HFM1: variants seen among roughly 807,000 people sequenced by gnomAD.
HFM1 encodes the protein helicase for meiosis 1, also known as probable ATP-dependent DNA helicase HFM1.
HFM1 carries 169 observed loss-of-function variants against 192.1 expected under a neutral mutation model. The observed-to-expected ratio is 0.88, with a 90% CI of 0.78 to 1.00. HFM1 has a LOEUF of 1.00. Among genes scored for constraint, HFM1 ranks in the 50% least tolerant of loss-of-function variants. The probability of loss-of-function intolerance (pLI) is 0.00; values close to 1 mark genes in which losing one functional copy is unlikely to be tolerated. For missense variants in HFM1, 1,661 were observed against 1,668.0 expected, an observed-to-expected ratio of 1.00 and a Z score of 0.07; for synonymous variants, 525 against 537.8, an observed-to-expected ratio of 0.98 and a Z score of 0.33.
chr1:91,297,086 C>T (rs1180834322), intron 30 of HFM1, among the ~76,000 whole-genome samples: 2 of 152,168 alleles, frequency 1.3e-5, no homozygotes, highest in African/African-American at 4.8e-5. Flanking sequence ...TCGGGTCACT[C>T]CCACCCTAAT....
intron 13 of HFM1, among the ~76,000 whole-genome samples, chr1:91,361,698 T>C (rs1212668337): frequency 6.6e-6 from 1 of 152,148 alleles, no homozygotes; most frequent in African/African-American, 2.4e-5. Flanking sequence ...CCCTAACCCA[T>C]TTATGAGGCC....
chr1:91,274,692 T>C, intron 33 of HFM1, 38 bp downstream of exon 33: 1 of 1,047,396 alleles, frequency 9.5e-7, no homozygotes, highest in East Asian at 2.4e-5. Context: ...GAGTTTACGA[T>C]AAATATTTTA....
In HFM1 at chr1:91,385,470, G is replaced by C. The variant is rs1444991793; in HGVS notation, c.754+105C>G. 4.1e-6 allele frequency: 4 copies of C among 968,414 alleles called. No homozygotes were observed. The East Asian group carries it at 7.6e-5, about 18-fold the overall frequency. 60.0% of individuals were successfully genotyped at this position (968,414 alleles called of 1,614,324 possible). ...AATAAAAAAATGCAGAAATTGCACAGAGAGATAATTTACTCAAATTTACTA... is the reference window on the plus strand; with the variant it reads ...AATAAAAAAATGCAGAAATTGCACACAGAGATAATTTACTCAAATTTACTA... On this transcript the variant is annotated intron_variant, in intron 5 of 38. Coordinates refer to ENST00000370425, the MANE Select transcript of HFM1 (RefSeq NM_001017975.6).
rs1210239683 is a variant in HFM1, at chr1:91,350,861, G to A, written c.2083C>T (p.His695Tyr). 6.3e-6 allele frequency: 10 copies of A among 1,581,956 alleles called. No individual in the cohort carries two copies. The highest frequency in any genetic ancestry group is 8.6e-6 in the Non-Finnish European group (10 of 1,158,632). The change falls in exon 18 of 39, where the codon CAT (histidine) becomes TAT (tyrosine). Residue 695 changes from histidine (H) to tyrosine (Y), a missense_variant. Coordinates refer to ENST00000370425, the MANE Select transcript of HFM1 (RefSeq NM_001017975.6). Reference protein sequence around the residue: ...RDTVESSLHRHLIEHLNAEIV... With the variant: ...RDTVESSLHRYLIEHLNAEIV... ...TCTGCATTTAAATGTTCAATAAGATGTCTGTGCAAACTAATGAAAAAAAAC... is the reference window on the plus strand; with the variant it reads ...TCTGCATTTAAATGTTCAATAAGATATCTGTGCAAACTAATGAAAAAAAAC...
chr1:91,272,748 C>T (rs1018710525), intron 34 of HFM1, among the ~76,000 whole-genome samples: 1 of 151,924 alleles, frequency 6.6e-6, no homozygotes, highest in African/African-American at 2.4e-5. Context: ...TTTTCTTGAT[C>T]TCATTATTGG....
intron 13 of HFM1, among the ~76,000 whole-genome samples, chr1:91,370,542 C>G (rs556708371): frequency 6.6e-6 from 1 of 151,998 alleles, no homozygotes. Flanking sequence ...ATTCAACAAC[C>G]CTTCATGCTA....
chr1:91,364,108 T>C (rs1345666144), intron 13 of HFM1, among the ~76,000 whole-genome samples: 1 of 152,000 alleles, frequency 6.6e-6, no homozygotes, highest in Non-Finnish European at 1.5e-5. Flanking sequence ...CGATGATTTG[T>C]ACAGCAATCC....
Position 91,277,065 on chromosome 1 carries a change from A to G in HFM1, c.3392-3T>C. On this transcript the variant is annotated splice_polypyrimidine_tract_variant and splice_region_variant and intron_variant, in intron 30 of 38. Transcript: ENST00000370425. Reference sequence around the variant, plus strand: ...AGGTTTTTTGCTGGCAGTCGTTCCTAAATTAATATAAGAAAAACAAATCCA... The same window carrying G: ...AGGTTTTTTGCTGGCAGTCGTTCCTGAATTAATATAAGAAAAACAAATCCA... The G allele has an allele frequency of 6.5e-7, 1 of 1,545,820 alleles. No individual in the cohort carries two copies. The highest frequency in any genetic ancestry group is 8.8e-7 in the Non-Finnish European group (1 of 1,130,302).
intron 25 of HFM1, 111 bp from the exon 26 acceptor site, chr1:91,316,587 C>A: frequency 2.3e-6 from 1 of 427,746 alleles, no homozygotes; most frequent in South Asian, 9.8e-5. Flanking sequence ...AAGATCCAGT[C>A]AAATAACTAA....
In HFM1 at chr1:91,315,958, A is replaced by T. The variant is rs762719622; in HGVS notation, c.2997T>A (p.Ser999Arg). ...ELKVEQITRY[S>R]DTTAEILVTV... ...TCACTAATATTTCTGCCGTCGTATCACTATATCTTGTAATCTTTAAAAAAG... is the reference window on the plus strand; with the variant it reads ...TCACTAATATTTCTGCCGTCGTATCTCTATATCTTGTAATCTTTAAAAAAG... The change falls in exon 28 of 39, where the codon AGT becomes AGA. Residue 999 changes from serine (S) to arginine (R), a missense_variant. By Grantham distance (110) the Ser-to-Arg change is moderately radical. Coordinates refer to ENST00000370425, the MANE Select transcript of HFM1 (RefSeq NM_001017975.6). 6.3e-7 allele frequency: 1 copy of T among 1,589,208 alleles called. No individual in the cohort carries two copies. Among genetic ancestry groups the T allele is most frequent in the Non-Finnish European group, 8.6e-7 (1 of 1,158,908 alleles).
At chr1:91,399,578 T>C (rs1664062721) in intron 2 of HFM1, among the ~76,000 whole-genome samples, 1 of 152,164 alleles carries the variant, frequency 6.6e-6, no homozygotes, top group African/African-American at 2.4e-5. Context: ...CCTTCATGAA[T>C]TGTCTATTCC....
chr1:91,299,760 G>T (rs1453260021), intron 30 of HFM1, among the ~76,000 whole-genome samples: 1 of 152,110 alleles, frequency 6.6e-6, no homozygotes, highest in Non-Finnish European at 1.5e-5. Context: ...CAACATACCA[G>T]AATCTCTGGG....
At chr1:91,325,906 G>T (rs1423435183) in intron 20 of HFM1, among the ~76,000 whole-genome samples, 1 of 152,008 alleles carries the variant, frequency 6.6e-6, no homozygotes, top group African/African-American at 2.4e-5. Flanking sequence ...TTAACAAAGA[G>T]ATTGAAATAA....
intron 30 of HFM1, among the ~76,000 whole-genome samples, chr1:91,305,466 T>A (rs917606666): frequency 3.9e-5 from 6 of 152,238 alleles, no homozygotes; most frequent in Non-Finnish European, 5.9e-5. Context: ...CATTCAGTGA[T>A]ATTTCTAAAC....
At chr1:91,367,567 C>A (rs1009689220) in intron 13 of HFM1, among the ~76,000 whole-genome samples, 2 of 152,128 alleles carry the variant, frequency 1.3e-5, no homozygotes, top group African/African-American at 2.4e-5. Context: ...GGAAAACTAA[C>A]AAACAGAAAG....
At chr1:91,396,153 T>C (rs1663631709) in intron 3 of HFM1, 140 bp downstream of exon 3, 1 of 456,726 alleles carries the variant, frequency 2.2e-6, no homozygotes, top group African/African-American at 2.0e-5. Flanking sequence ...ATACCCAATA[T>C]GAGTATACAT....
chr1:91,307,878 T>C (rs1411826836), intron 30 of HFM1, among the ~76,000 whole-genome samples: 1 of 152,230 alleles, frequency 6.6e-6, no homozygotes, highest in East Asian at 1.9e-4. Flanking sequence ...ACTTTCATCA[T>C]GAAGGATATT....
Position 91,375,453 on chromosome 1 carries a change from ATAAAT to A in HFM1, c.1597-12_1597-8del. 1 of 1,612,804 alleles carries A rather than the reference ATAAAT, an allele frequency of 6.2e-7. No individual in the cohort carries two copies. Among genetic ancestry groups the A allele is most frequent in the Non-Finnish European group, 8.5e-7 (1 of 1,179,154 alleles). On this transcript the variant is annotated splice_polypyrimidine_tract_variant and splice_region_variant and intron_variant, in intron 12 of 38. Coordinates refer to ENST00000370425, the MANE Select transcript of HFM1 (RefSeq NM_001017975.6). ...CCTTCCTTGTTGCACAAAACTGAAA[ATAAAT>A]TCATAACGTTTGTATTAATCATGTT...
At position 91,315,678 on chromosome 1, in the gene HFM1, A is replaced by G. The variant is rs1051369649; in HGVS notation, c.3140+137T>C. ...TATCTTCTTTAATAGAAAAATAGAGAAACCATCCCATTATTGTGTCAGGAA... is the reference window on the plus strand; with the variant it reads ...TATCTTCTTTAATAGAAAAATAGAGGAACCATCCCATTATTGTGTCAGGAA... On this transcript the variant is annotated intron_variant, in intron 28 of 38. Coordinates refer to ENST00000370425, the MANE Select transcript of HFM1 (RefSeq NM_001017975.6). The G allele has an allele frequency of 5.0e-6, 3 of 595,568 alleles. No individual in the cohort carries two copies. The African/African-American group carries it at 5.6e-5, about 11-fold the overall frequency. 36.9% of individuals were successfully genotyped at this position (595,568 alleles called of 1,614,324 possible). A position where few individuals can be genotyped will look rare whatever the true frequency, so the allele number is the denominator to read the frequency against.
Sources: allele counts gnomAD v4.1 joint callset (sites outside exome capture counted in the v4.1 genomes callset), GRCh38; gene constraint gnomAD v4.1.1; transcripts MANE v1.5; gene names NCBI Gene and HGNC (gene_info 2026-07-23, HGNC 2026-07-21).